The following IRAK1BP1 variants were observed in gnomAD, a reference collection of about 807,000 sequenced individuals.
IRAK1BP1 encodes the protein interleukin 1 receptor associated kinase 1 binding protein 1.
In IRAK1BP1, 24 loss-of-function variants were observed where a neutral mutation model predicts 28.0. That is an observed-to-expected ratio of 0.86 (90% CI 0.62 to 1.20). The LOEUF is 1.20. IRAK1BP1 is among the 50% of genes most tolerant of loss of function. The pLI is 0.00. For missense variants in IRAK1BP1, 336 were observed against 316.7 expected (o/e 1.06, Z -0.46); for synonymous variants, 131 against 116.3 (o/e 1.13, Z -0.81).
chr6:78,928,743 T>C (rs1159004646), intron 4 of IRAK1BP1, among the ~76,000 whole-genome samples: 1 of 152,216 alleles, frequency 6.6e-6, no homozygotes, highest in Non-Finnish European at 1.5e-5. Flanking sequence ...TTGAATTTCA[T>C]CAAATGCTTT....
intron 4 of IRAK1BP1, among the ~76,000 whole-genome samples, chr6:78,924,288 C>A (rs1386265902): frequency 6.6e-6 from 1 of 152,158 alleles, no homozygotes; most frequent in Non-Finnish European, 1.5e-5. Flanking sequence ...ACTATAAACA[C>A]CTCTACGCAA....
At chr6:78,871,881 C>T in intron 1 of IRAK1BP1, 1 of 518,404 alleles carries the variant, frequency 1.9e-6, no homozygotes, top group South Asian at 3.1e-5. Context: ...TTTGGCACTT[C>T]ACATTTGTGT....
At chr6:78,962,521 T>C in the IRAK1BP1 span, among the ~76,000 whole-genome samples, 1 of 152,162 alleles carries the variant, frequency 6.6e-6, no homozygotes, top group Non-Finnish European at 1.5e-5. Context: ...CTCATGTTAA[T>C]TTCTCTCTAG....
chr6:78,875,068 A>C (rs192430126), intron 1 of IRAK1BP1, among the ~76,000 whole-genome samples: 77 of 152,338 alleles, frequency 5.1e-4, no homozygotes, highest in Non-Finnish European at 9.0e-4. Flanking sequence ...AAAAGTGGGC[A>C]AAGGAAATGA....
At chr6:78,916,895 G>T (rs1274231243) in intron 4 of IRAK1BP1, among the ~76,000 whole-genome samples, 2 of 152,020 alleles carry the variant, frequency 1.3e-5, no homozygotes, top group Non-Finnish European at 2.9e-5. Context: ...AGTGAGACAG[G>T]AATGTGCCAT....
chr6:78,932,106 TTATCATGA>T (rs910536735), intron 4 of IRAK1BP1, among the ~76,000 whole-genome samples: 28 of 152,318 alleles, frequency 1.8e-4, no homozygotes, highest in Non-Finnish European at 5.9e-5. Context: ...CATTCAAATT[TTATCATGA>T]GATTGCAGCA....
the IRAK1BP1 span, chr6:78,954,955 C>T: frequency 6.4e-7 from 1 of 1,555,076 alleles, no homozygotes; most frequent in Non-Finnish European, 8.6e-7. Flanking sequence ...TTCTTCTAGG[C>T]TGATGGTCCT....
the IRAK1BP1 span, among the ~76,000 whole-genome samples, chr6:78,972,538 G>A: frequency 6.6e-6 from 1 of 152,238 alleles, no homozygotes; most frequent in Non-Finnish European, 1.5e-5. Flanking sequence ...GAATGACTTT[G>A]ATGAGCTGAG....
At chr6:78,888,196 G>A (rs944039162) in intron 2 of IRAK1BP1, among the ~76,000 whole-genome samples, 1 of 152,154 alleles carries the variant, frequency 6.6e-6, no homozygotes, top group Non-Finnish European at 1.5e-5. Context: ...AAGAATGGAG[G>A]GAAGGGGAAA....
the IRAK1BP1 span, among the ~76,000 whole-genome samples, chr6:78,975,534 CAGG>C: frequency 8.0e-4 from 122 of 152,014 alleles, 1 homozygote; most frequent in Non-Finnish European, 8.5e-4. Flanking sequence ...GGCAATTAGG[CAGG>C]AGAAGGAAAG....
Position 78,867,557 on chromosome 6 carries a change from G to A in IRAK1BP1, c.-20G>A. 2 of 1,607,816 alleles carry A rather than the reference G, an allele frequency of 1.2e-6. No individual in the cohort carries two copies. Among genetic ancestry groups the A allele is most frequent in the Non-Finnish European group, 1.7e-6 (2 of 1,176,632 alleles). ...CCGCCGTCGGCCGGTAGTTACTATG[G>A]AAACCCAGCTGCCATCGCTATGTCT... On this transcript the variant is annotated 5_prime_UTR_variant, in exon 1 of 4. Transcript: ENST00000369940.
At chr6:78,944,727 C>T (rs763756830) in intron 4 of IRAK1BP1, among the ~76,000 whole-genome samples, 1 of 152,196 alleles carries the variant, frequency 6.6e-6, no homozygotes, top group Non-Finnish European at 1.5e-5. Flanking sequence ...GTCTTAGACA[C>T]ACTTTGAAAG....
At chr6:78,884,319 AT>A (rs1562080573) in intron 1 of IRAK1BP1, among the ~76,000 whole-genome samples, 1 of 152,140 alleles carries the variant, frequency 6.6e-6, no homozygotes, top group Non-Finnish European at 1.5e-5. Flanking sequence ...GATTTAACAT[AT>A]ATTTTGAAAG....
the IRAK1BP1 span, chr6:78,969,854 T>C: frequency 1.3e-6 from 2 of 1,577,346 alleles, no homozygotes; most frequent in Non-Finnish European, 1.7e-6. Flanking sequence ...ATCGCCTGTA[T>C]TTTGCATCAT....
intron 4 of IRAK1BP1, among the ~76,000 whole-genome samples, chr6:78,919,197 G>C (rs1458651495): frequency 6.6e-6 from 1 of 151,850 alleles, no homozygotes; most frequent in Non-Finnish European, 1.5e-5. Context: ...ATGCAACAAA[G>C]GCAAGGTTAA....
chr6:78,871,937 C>T (rs188915971), intron 1 of IRAK1BP1: 4 of 509,902 alleles, frequency 7.8e-6, no homozygotes, highest in Non-Finnish European at 1.0e-5. Context: ...AAATTCTTTG[C>T]CTGAAAGTGA....
intron 2 of IRAK1BP1, among the ~76,000 whole-genome samples, chr6:78,895,719 TAAG>T (rs1771859790): frequency 6.6e-6 from 1 of 152,110 alleles, no homozygotes; most frequent in African/African-American, 2.4e-5. Context: ...ATCAGTAAAA[TAAG>T]AACAGTTGAG....
chr6:78,924,398 C>G (rs532944703), intron 4 of IRAK1BP1, among the ~76,000 whole-genome samples: 2 of 152,148 alleles, frequency 1.3e-5, no homozygotes, highest in Non-Finnish European at 2.9e-5. Flanking sequence ...AGAGCAATAA[C>G]AGGCTCTGAA....
intron 1 of IRAK1BP1, among the ~76,000 whole-genome samples, chr6:78,878,360 T>C (rs1344521833): frequency 6.6e-6 from 1 of 152,202 alleles, no homozygotes; most frequent in East Asian, 1.9e-4. Context: ...TTCTGCAGCC[T>C]CCGCTGCTGA....
Sources: gnomAD v4.1 joint callset for allele counts (sites outside exome capture counted in the v4.1 genomes callset) on GRCh38, gnomAD v4.1.1 for gene constraint, MANE v1.5 for transcripts, NCBI Gene and HGNC (gene_info 2026-07-23, HGNC 2026-07-21) for gene names.